The following CYYR1 variants were observed in gnomAD, a reference collection of about 807,000 sequenced individuals.
The protein encoded by CYYR1 is cysteine and tyrosine rich 1, also known as cysteine and tyrosine-rich protein 1.
In CYYR1, 14 loss-of-function variants were observed where a neutral mutation model predicts 15.2. The observed-to-expected ratio is 0.92, with a 90% CI of 0.61 to 1.44. The LOEUF is 1.44. CYYR1 is among the 40% of genes most tolerant of loss of function. The pLI is 0.00. For synonymous variants in CYYR1, 80 were observed against 77.4 expected (o/e 1.03, Z -0.18); for missense variants, 228 against 209.5 (o/e 1.09, Z -0.54).
At chr21:26,529,991 G>A (rs1220294653) in intron 2 of CYYR1, among the ~76,000 whole-genome samples, 2 of 152,116 alleles carry the variant, frequency 1.3e-5, no homozygotes, top group South Asian at 2.1e-4. Flanking sequence ...ATATATCAAC[G>A]GAAATACTGA....
At chr21:26,473,640 G>A (rs1437188270) in intron 3 of CYYR1, among the ~76,000 whole-genome samples, 1 of 152,158 alleles carries the variant, frequency 6.6e-6, no homozygotes, top group Non-Finnish European at 1.5e-5. Context: ...TGCAACTCCT[G>A]CTTTCAGAAT....
chr21:26,534,995 C>A (rs1372203486), intron 2 of CYYR1, among the ~76,000 whole-genome samples: 1 of 152,024 alleles, frequency 6.6e-6, no homozygotes, highest in South Asian at 2.1e-4. Flanking sequence ...ATCTGGAATT[C>A]TTATTTTATT....
At chr21:26,517,322 T>C (rs1354294960) in intron 2 of CYYR1, among the ~76,000 whole-genome samples, 1 of 152,192 alleles carries the variant, frequency 6.6e-6, no homozygotes, top group Non-Finnish European at 1.5e-5. Context: ...AGTTTTAATA[T>C]GGTATTACTT....
intron 3 of CYYR1, among the ~76,000 whole-genome samples, chr21:26,473,559 G>A (rs2065062617): frequency 1.3e-5 from 2 of 152,046 alleles, no homozygotes; most frequent in African/African-American, 2.4e-5. Context: ...TTTTCCAAAA[G>A]TTCCCCACCC....
chr21:26,500,628 C>G (rs2065468190), intron 2 of CYYR1, among the ~76,000 whole-genome samples: 1 of 152,068 alleles, frequency 6.6e-6, no homozygotes, highest in Non-Finnish European at 1.5e-5. Flanking sequence ...CTCTTTTTCT[C>G]TCTCCCCAAC....
intron 2 of CYYR1, among the ~76,000 whole-genome samples, chr21:26,494,579 G>C (rs1054570624): frequency 1.3e-4 from 20 of 151,872 alleles, no homozygotes; most frequent in African/African-American, 4.1e-4. Context: ...CAAAGACCTT[G>C]GCAAAAGATG....
At chr21:26,532,184 T>G (rs2065940161) in intron 2 of CYYR1, among the ~76,000 whole-genome samples, 1 of 152,168 alleles carries the variant, frequency 6.6e-6, no homozygotes, top group Non-Finnish European at 1.5e-5. Flanking sequence ...CTCTAGTTCA[T>G]TCACTGATGA....
chr21:26,511,282 ATAG>A (rs1351664408), intron 2 of CYYR1, among the ~76,000 whole-genome samples: 1 of 152,240 alleles, frequency 6.6e-6, no homozygotes, highest in Non-Finnish European at 1.5e-5. Context: ...TCATTTAAAA[ATAG>A]TAGATTCAGA....
At chr21:26,483,312 C>A (rs1432092327) in intron 2 of CYYR1, 1 of 288,032 alleles carries the variant, frequency 3.5e-6, no homozygotes, top group Non-Finnish European at 5.2e-6. Context: ...TTTGTATTTC[C>A]TCGTCCTGTC....
Position 26,479,904 on chromosome 21 carries a change from A to G in CYYR1, c.334+368T>C, listed in dbSNP as rs143230198. On this transcript the variant is annotated intron_variant, in intron 3 of 3. Coordinates refer to ENST00000652641, the MANE Select transcript of CYYR1 (RefSeq NM_001320768.2). Reference sequence around the variant, plus strand: ...TTGAATGCTTTTTCTCAAGACATATATATCTATTGGATCAGATGCCAGTTT... The same window carrying G: ...TTGAATGCTTTTTCTCAAGACATATGTATCTATTGGATCAGATGCCAGTTT... Among the ~76,000 whole-genome samples the G allele has an allele frequency of 6.2e-3, 939 of 152,262 alleles. 8 individuals carry two copies. The highest frequency in any genetic ancestry group is 7.1e-3 in the Non-Finnish European group (482 of 68,016).
intron 1 of CYYR1, among the ~76,000 whole-genome samples, chr21:26,566,892 T>C (rs1980664584): frequency 6.6e-6 from 1 of 151,188 alleles, no homozygotes; most frequent in South Asian, 2.1e-4. Flanking sequence ...ACCTGTAATC[T>C]CAGCTACTCA....
intron 2 of CYYR1, among the ~76,000 whole-genome samples, chr21:26,501,822 TGCACTGACGATGAA>T (rs1410633432): frequency 6.6e-6 from 1 of 152,164 alleles, no homozygotes; most frequent in East Asian, 1.9e-4. Context: ...GCCTGCAAAG[TGCACTGACGATGAA>T]GAACACGCCA....
chr21:26,542,317 G>GTGTC, intron 2 of CYYR1, among the ~76,000 whole-genome samples: 1 of 151,622 alleles, frequency 6.6e-6, no homozygotes, highest in Non-Finnish European at 1.5e-5. Context: ...GTGTGTGTGT[G>GTGTC]TGTGTGTGTC....
At chr21:26,505,488 C>T (rs1461650639) in intron 2 of CYYR1, among the ~76,000 whole-genome samples, 1 of 152,126 alleles carries the variant, frequency 6.6e-6, no homozygotes, top group Non-Finnish European at 1.5e-5. Flanking sequence ...CCTTGCTAAG[C>T]TTTAATATTT....
At chr21:26,562,381 C>T (rs1351587466) in intron 2 of CYYR1, among the ~76,000 whole-genome samples, 5 of 152,084 alleles carry the variant, frequency 3.3e-5, no homozygotes, top group East Asian at 1.9e-4. Context: ...AAGAATGTGT[C>T]GGTTCTATAT....
At chr21:26,469,289 A>AG (rs2065005410) in intron 3 of CYYR1, among the ~76,000 whole-genome samples, 1 of 152,118 alleles carries the variant, frequency 6.6e-6, no homozygotes, top group Non-Finnish European at 1.5e-5. Flanking sequence ...TTGAGGTATT[A>AG]GGTACCAAGT....
intron 2 of CYYR1, among the ~76,000 whole-genome samples, chr21:26,557,439 A>C (rs1411753348): frequency 6.6e-6 from 1 of 152,202 alleles, no homozygotes; most frequent in Non-Finnish European, 1.5e-5. Flanking sequence ...CAAATCCTAC[A>C]TTTTATGTAA....
Position 26,487,625 on chromosome 21 carries a change from T to A in CYYR1, c.177-7196A>T, listed in dbSNP as rs1455866622. On this transcript the variant is annotated intron_variant, in intron 2 of 3. Coordinates refer to ENST00000652641, the MANE Select transcript of CYYR1 (RefSeq NM_001320768.2). ...AAAAATAATGCATTTTCTTCTCTGT[T>A]GCTTAAATAAATACAGAAAATAATA... Among the ~76,000 whole-genome samples the A allele has an allele frequency of 2.0e-5, 3 of 152,100 alleles. No individual in the cohort carries two copies. The East Asian group carries it at 5.8e-4, about 29-fold the overall frequency.
intron 2 of CYYR1, among the ~76,000 whole-genome samples, chr21:26,509,669 T>C (rs1370489865): frequency 6.6e-6 from 1 of 152,218 alleles, no homozygotes; most frequent in Non-Finnish European, 1.5e-5. Context: ...CTCTCCTCTA[T>C]GCAGTGACTC....
Sources: allele counts gnomAD v4.1 joint callset (sites outside exome capture counted in the v4.1 genomes callset), GRCh38; gene constraint gnomAD v4.1.1; transcripts MANE v1.5; gene names NCBI Gene and HGNC (gene_info 2026-07-23, HGNC 2026-07-21).